Variants in KDSR observed in about 807,000 individuals in gnomAD.
The protein encoded by KDSR is 3-ketodihydrosphingosine reductase, also known as 3-dehydrosphinganine reductase.
In KDSR, 23 loss-of-function variants were observed where a neutral mutation model predicts 41.3. That is an observed-to-expected ratio of 0.56 (90% confidence interval 0.40 to 0.79). KDSR has a LOEUF of 0.79. Ranked by LOEUF, KDSR falls within the 30% of genes least tolerant of loss-of-function variation. The pLI is 0.00. For synonymous variants in KDSR, 138 were observed against 151.7 expected, an observed-to-expected ratio of 0.91 and a Z score of 0.66; for missense variants, 351 against 416.8, an observed-to-expected ratio of 0.84 and a Z score of 1.37.
intron 7 of KDSR, among the ~76,000 whole-genome samples, chr18:63,343,441 T>C (rs1167863299): frequency 1.3e-5 from 2 of 151,452 alleles, no homozygotes; most frequent in African/African-American, 4.8e-5. Context: ...CAGGTCGAAA[T>C]GCAGTACTAC....
chr18:63,327,935 T>C lies in KDSR; in HGVS notation c.*3847A>G. ...AGTGTAAAATATAATAGCTACTATC[T>C]CCCCTTCAAAATTGCAAATCCACAG... On this transcript the variant is annotated 3_prime_UTR_variant, in exon 10 of 10. Transcript: ENST00000645214. 1 of 203,186 alleles carries C rather than the reference T, an allele frequency of 4.9e-6. No homozygotes were observed. The highest frequency in any genetic ancestry group is 1.0e-5 in the Non-Finnish European group (1 of 99,002). The allele number at this position is 203,186 out of a possible 1,614,324, so 12.6% of individuals were successfully genotyped here. A position where few individuals can be genotyped will look rare whatever the true frequency, so the allele number is the denominator to read the frequency against.
chr18:63,337,095 T>C (rs1240135250), intron 8 of KDSR, among the ~76,000 whole-genome samples: 705 of 27,862 alleles, frequency 0.025, 14 homozygotes, highest in Non-Finnish European at 0.062. Flanking sequence ...TATGTGACTT[T>C]ATATATATAT....
chr18:63,331,583 A>T lies in KDSR; in HGVS notation c.*199T>A. ...AGAAAATCAAATGGTCTCCTATTCC[A>T]TATTTGCATAGTATTAATAATACTG... On this transcript the variant is annotated 3_prime_UTR_variant, in exon 10 of 10. Transcript: ENST00000645214. The T allele has an allele frequency of 2.2e-6, 1 of 463,682 alleles. No homozygotes were observed. The allele number at this position is 463,682 out of a possible 1,614,324, so 28.7% of individuals were successfully genotyped here.
At chr18:63,344,348 G>A (rs748341072) in intron 7 of KDSR, 62 bp downstream of exon 7, 17 of 1,173,936 alleles carry the variant, frequency 1.4e-5, no homozygotes, top group Non-Finnish European at 2.0e-5. Flanking sequence ...CTGAAGAGTA[G>A]AAAGAAAATC....
chr18:63,363,363 C>T (rs1458514782), intron 1 of KDSR, among the ~76,000 whole-genome samples: 1 of 104,632 alleles, frequency 9.6e-6, no homozygotes, highest in Non-Finnish European at 1.9e-5. Context: ...CAATGCTATC[C>T]CTCCCCCCTC....
chr18:63,333,060 G>A (rs928110942), intron 9 of KDSR, among the ~76,000 whole-genome samples: 3 of 152,006 alleles, frequency 2.0e-5, no homozygotes, highest in Non-Finnish European at 4.4e-5. Flanking sequence ...AGGAGATCAG[G>A]TGGTTTATGG....
At position 63,355,305 on chromosome 18, in the gene KDSR, A is replaced by C. The variant is rs1172704878; in HGVS notation, c.322-6T>G. 5.6e-6 allele frequency: 9 copies of C among 1,613,226 alleles called. No individual in the cohort carries two copies. Among genetic ancestry groups the C allele is most frequent in the Non-Finnish European group, 7.6e-6 (9 of 1,179,382 alleles). ...GGACCCAGTTTCTCCTGTGCCTAGA[A>C]AAATGTAGCAGAGCAGGCATTAAGA... On this transcript the variant is annotated splice_polypyrimidine_tract_variant and splice_region_variant and intron_variant, in intron 4 of 9. Transcript: ENST00000645214.
intron 9 of KDSR, among the ~76,000 whole-genome samples, chr18:63,333,458 G>T (rs1467830132): frequency 1.3e-5 from 2 of 152,176 alleles, no homozygotes; most frequent in Non-Finnish European, 2.9e-5. Context: ...ATGTATAGTT[G>T]CAGTTTAGAA....
rs188714677 is a variant in KDSR at position 63,353,695 on chromosome 18, C to G, written c.417+1509G>C. Among the ~76,000 whole-genome samples the G allele has an allele frequency of 3.9e-5, 6 of 152,268 alleles. No homozygotes were observed. In the East Asian group the frequency reaches 9.7e-4, roughly 25 times the overall value. On this transcript the variant is annotated intron_variant, in intron 5 of 9. Coordinates refer to ENST00000645214, the MANE Select transcript of KDSR (RefSeq NM_002035.4). ...CCATATATGCTACATGTGGATGAGCCTCAAAAACTGATGCTAAGAGAAAGA... is the reference window on the plus strand; with the variant it reads ...CCATATATGCTACATGTGGATGAGCGTCAAAAACTGATGCTAAGAGAAAGA...
Position 63,330,950 on chromosome 18 carries a change from C to A in KDSR, c.*832G>T, listed in dbSNP as rs1279644071. On this transcript the variant is annotated 3_prime_UTR_variant, in exon 10 of 10. Coordinates refer to ENST00000645214, the MANE Select transcript of KDSR (RefSeq NM_002035.4). ...ATTGAAGGAACTGTAAATTCTTAAG[C>A]TTCTAGATTTTACCGCTCTTCAGAA... 4.3e-6 allele frequency: 1 copy of A among 230,492 alleles called. No homozygotes were observed. Among genetic ancestry groups the A allele is most frequent in the Non-Finnish European group, 8.6e-6 (1 of 116,198 alleles). 14.3% of individuals were successfully genotyped at this position (230,492 alleles called of 1,614,324 possible).
At chr18:63,339,521 C>G (rs200860256) in intron 7 of KDSR, among the ~76,000 whole-genome samples, 1 of 152,228 alleles carries the variant, frequency 6.6e-6, no homozygotes, top group Non-Finnish European at 1.5e-5. Flanking sequence ...CAGGCTGGAG[C>G]TGCAGACCCC....
At chr18:63,359,658 A>G in intron 3 of KDSR, 78 bp downstream of exon 3, 1 of 911,536 alleles carries the variant, frequency 1.1e-6, no homozygotes, top group Non-Finnish European at 1.8e-6. Flanking sequence ...AACTATTCAC[A>G]GGTGAAGTAA....
At chr18:63,343,895 T>C (rs1171710679) in intron 7 of KDSR, among the ~76,000 whole-genome samples, 2 of 152,066 alleles carry the variant, frequency 1.3e-5, no homozygotes, top group Non-Finnish European at 2.9e-5. Context: ...GTGCTGGAAA[T>C]GGCTGGGTAC....
chr18:63,359,593 T>C (rs1355351341), intron 3 of KDSR, 143 bp downstream of exon 3: 11 of 633,080 alleles, frequency 1.7e-5, no homozygotes, highest in Non-Finnish European at 2.9e-6. Flanking sequence ...TCTGAGTTAC[T>C]AGACCATTCA....
At chr18:63,347,217 T>G (rs1241517886) in intron 6 of KDSR, among the ~76,000 whole-genome samples, 1 of 152,050 alleles carries the variant, frequency 6.6e-6, no homozygotes, top group African/African-American at 2.4e-5. Context: ...AAGAACCGAT[T>G]TGTGGGCCGG....
intron 7 of KDSR, among the ~76,000 whole-genome samples, chr18:63,342,146 G>A (rs1049869423): frequency 1.5e-4 from 23 of 149,554 alleles, no homozygotes; most frequent in Non-Finnish European, 2.7e-4. Context: ...TCCAGCATGG[G>A]TGACAGAGCA....
At position 63,355,261 on chromosome 18, in the gene KDSR, A is replaced by G; in HGVS notation, c.360T>C (p.Asn120=). The change falls in exon 5 of 10, where the codon AAT becomes AAC. Residue 120 remains asparagine, a synonymous_variant. Coordinates refer to ENST00000645214, the MANE Select transcript of KDSR (RefSeq NM_002035.4). ...EKLGPVDMLV[N]CAGMAVSGKF... ...TTCCTGACACTGCCATTCCTGCACA[A>G]TTTACCAGCATGTCCACTGGACCCA... 1 of 1,614,188 alleles carries G rather than the reference A, an allele frequency of 6.2e-7. No homozygotes were observed. Among genetic ancestry groups the G allele is most frequent in the East Asian group, 2.2e-5 (1 of 44,880 alleles).
At chr18:63,359,512 C>A in intron 3 of KDSR, 1 of 397,240 alleles carries the variant, frequency 2.5e-6, no homozygotes, top group Non-Finnish European at 4.5e-6. Context: ...GCCAGTAAAA[C>A]ATTCTGTTAT....
At chr18:63,366,663 T>C (rs1411038051) in intron 1 of KDSR, 1 of 210,292 alleles carries the variant, frequency 4.8e-6, no homozygotes, top group Non-Finnish European at 9.4e-6. Flanking sequence ...CTCAGTTGAC[T>C]CATCGGAAAA....
Sources: allele counts gnomAD v4.1 joint callset (sites outside exome capture counted in the v4.1 genomes callset), GRCh38; gene constraint gnomAD v4.1.1; transcripts MANE v1.5; gene names NCBI Gene and HGNC (gene_info 2026-07-23, HGNC 2026-07-21).